Variants in RBFOX1 observed in about 807,000 individuals in gnomAD.
RBFOX1 encodes RNA binding fox-1 homolog 1.
A neutral mutation model predicts 57.7 loss-of-function variants in RBFOX1; 8 were observed. The observed-to-expected ratio is 0.14, with a 90% CI of 0.08 to 0.25. The LOEUF is 0.25. Ranked by LOEUF, RBFOX1 falls within the 10% of genes least tolerant of loss-of-function variation. RBFOX1 has a pLI of 1.00. For missense variants in RBFOX1, 611 were observed against 548.5 expected (o/e 1.11, Z -1.14); for synonymous variants, 326 against 222.4 (o/e 1.47, Z -4.15).
At chr16:7,079,035 T>A (rs1175254803) in intron 4 of RBFOX1, among the ~76,000 whole-genome samples, 1 of 151,808 alleles carries the variant, frequency 6.6e-6, no homozygotes, top group African/African-American at 2.4e-5. Context: ...AAAATATCTT[T>A]TTTGGGGGGA....
chr16:6,962,559 A>G (rs193088403), intron 3 of RBFOX1, among the ~76,000 whole-genome samples: 43 of 152,216 alleles, frequency 2.8e-4, no homozygotes, highest in African/African-American at 6.3e-4. Flanking sequence ...AGTTCATTCA[A>G]TTCAACCTGT....
intron 4 of RBFOX1, among the ~76,000 whole-genome samples, chr16:7,237,058 G>C (rs1394846695): frequency 1.3e-5 from 2 of 152,198 alleles, no homozygotes; most frequent in African/African-American, 4.8e-5. Context: ...AGGAATTCAG[G>C]AGAGGTAGAG....
chr16:5,671,380 G>A (rs575137468), intron 3 of RBFOX1, among the ~76,000 whole-genome samples: 158 of 152,288 alleles, frequency 1.0e-3, no homozygotes, highest in Non-Finnish European at 8.1e-4. Flanking sequence ...ATAGGAATCC[G>A]GTTCTTTTCT....
intron 4 of RBFOX1, among the ~76,000 whole-genome samples, chr16:7,125,353 C>A (rs1311347579): frequency 6.6e-6 from 1 of 152,162 alleles, no homozygotes. Flanking sequence ...CTTTTAGATC[C>A]TCAGCAGAGT....
chr16:5,509,125 A>T (rs1184399917), intron 2 of RBFOX1, among the ~76,000 whole-genome samples: 1 of 152,210 alleles, frequency 6.6e-6, no homozygotes, highest in East Asian at 1.9e-4. Flanking sequence ...TGAGATGTAG[A>T]CATGAAATAG....
Position 6,278,377 on chromosome 16 carries a change from C to CAAAAAAAAAAAAAAAAAAAA in RBFOX1, c.-126-38602_-126-38583dup, listed in dbSNP as rs57523660. ...AACTGGGGGAAATTGTAGGACTCACCAAAAAAAAAAAAAAAAAAAAAAAAA... is the reference window on the plus strand; with the variant it reads ...AACTGGGGGAAATTGTAGGACTCACCAAAAAAAAAAAAAAAAAAAAAAAAAAAAAAAAAAAAAAAAAAAAA... On this transcript the variant is annotated intron_variant, in intron 1 of 15. Transcript: ENST00000550418. 1.1e-4 allele frequency among the ~76,000 whole-genome samples: 3 copies of CAAAAAAAAAAAAAAAAAAAA among 28,042 alleles called. 1 individual carries two copies. The highest frequency in any genetic ancestry group is 1.8e-4 in the Non-Finnish European group (3 of 16,350). The allele number at this position is 28,042 out of a possible 152,430, so 18.4% of individuals were successfully genotyped here. A position where few individuals can be genotyped will look rare whatever the true frequency, so the allele number is the denominator to read the frequency against.
chr16:6,856,386 G>C (rs925608649), intron 3 of RBFOX1, among the ~76,000 whole-genome samples: 2 of 152,078 alleles, frequency 1.3e-5, no homozygotes, highest in Non-Finnish European at 2.9e-5. Flanking sequence ...TCTCCTTGGA[G>C]TCCCTGTTTG....
At chr16:7,084,293 A>C (rs1381475903) in intron 4 of RBFOX1, among the ~76,000 whole-genome samples, 1 of 152,022 alleles carries the variant, frequency 6.6e-6, no homozygotes. Context: ...TATGTATGAA[A>C]TACATATATA....
At chr16:7,048,915 C>A (rs912932326) in intron 3 of RBFOX1, among the ~76,000 whole-genome samples, 2 of 152,208 alleles carry the variant, frequency 1.3e-5, no homozygotes, top group African/African-American at 4.8e-5. Flanking sequence ...AAAGCTCTTG[C>A]TTTTCTTCTG....
intron 2 of RBFOX1, among the ~76,000 whole-genome samples, chr16:6,631,567 G>A (rs911618974): frequency 6.6e-6 from 1 of 152,126 alleles, no homozygotes. Flanking sequence ...ATGGAAAAAA[G>A]ACAAAGGAAA....
At chr16:5,723,617 G>C (rs1381533689) in intron 3 of RBFOX1, among the ~76,000 whole-genome samples, 1 of 152,046 alleles carries the variant, frequency 6.6e-6, no homozygotes, top group East Asian at 1.9e-4. Flanking sequence ...GCTTGGGCTG[G>C]ATGGTGTCTG....
chr16:5,631,903 G>T (rs1419450950), intron 3 of RBFOX1, among the ~76,000 whole-genome samples: 1 of 152,218 alleles, frequency 6.6e-6, no homozygotes, highest in Non-Finnish European at 1.5e-5. Flanking sequence ...GTTCACTAGG[G>T]TCAGGTGAAT....
chr16:5,867,609 A>C (rs2057374004), intron 4 of RBFOX1, among the ~76,000 whole-genome samples: 1 of 152,184 alleles, frequency 6.6e-6, no homozygotes, highest in Admixed American at 6.5e-5. Flanking sequence ...AGCCCAGCTC[A>C]GACAAAGCCC....
At chr16:6,757,435 A>G (rs908380475) in intron 3 of RBFOX1, among the ~76,000 whole-genome samples, 1 of 152,228 alleles carries the variant, frequency 6.6e-6, no homozygotes, top group African/African-American at 2.4e-5. Flanking sequence ...AATGTGGTAT[A>G]TATGCACAAC....
At chr16:7,498,348 G>A (rs1198840907) in intron 4 of RBFOX1, among the ~76,000 whole-genome samples, 1 of 152,056 alleles carries the variant, frequency 6.6e-6, no homozygotes, top group Non-Finnish European at 1.5e-5. Context: ...GTGTACATGG[G>A]TCTCACTCAG....
chr16:6,921,441 A>G (rs566879089), intron 3 of RBFOX1, among the ~76,000 whole-genome samples: 1 of 152,072 alleles, frequency 6.6e-6, no homozygotes, highest in Admixed American at 6.5e-5. Flanking sequence ...TAAGTCTGAG[A>G]TTGGTGGATT....
At chr16:6,714,169 A>T (rs568089797) in intron 3 of RBFOX1, among the ~76,000 whole-genome samples, 55 of 152,296 alleles carry the variant, frequency 3.6e-4, no homozygotes, top group Non-Finnish European at 7.1e-4. Context: ...ACCTGCCACC[A>T]TGTAAGCCAT....
intron 1 of RBFOX1, among the ~76,000 whole-genome samples, chr16:5,429,565 G>C (rs552425): frequency 0.61 from 92,250 of 151,910 alleles, 28,158 homozygotes; most frequent in East Asian, 0.68. Flanking sequence ...ACAGCTCCAG[G>C]CTTCCAAGCT....
intron 3 of RBFOX1, among the ~76,000 whole-genome samples, chr16:5,667,853 G>A (rs543763640): frequency 7.2e-5 from 11 of 152,308 alleles, no homozygotes; most frequent in Admixed American, 3.3e-4. Flanking sequence ...AGACTTTATA[G>A]TGAAGTGGGG....
Sources: allele counts gnomAD v4.1 joint callset (sites outside exome capture counted in the v4.1 genomes callset), GRCh38; gene constraint gnomAD v4.1.1; transcripts MANE v1.5; gene names NCBI Gene and HGNC (gene_info 2026-07-23, HGNC 2026-07-21).